STAB2: variants seen among roughly 807,000 people sequenced by gnomAD.
STAB2 encodes the protein stabilin 2.
Under a neutral mutation model 338.1 loss-of-function variants are expected in STAB2, and 288 were observed. The observed-to-expected ratio is 0.85, with a 90% CI of 0.77 to 0.94. The LOEUF (loss-of-function observed/expected upper bound fraction) is 0.94, where lower values mean the gene tolerates loss of function less well. STAB2 is among the 40% of genes least tolerant of loss of function. The probability of loss-of-function intolerance (pLI) is 0.00; values close to 1 mark genes in which losing one functional copy is unlikely to be tolerated. For missense variants in STAB2, 3,141 were observed against 3,210.1 expected (o/e 0.98, Z 0.52); for synonymous variants, 1,202 against 1,193.3 (o/e 1.01, Z -0.15).
chr12:103,624,767 A>G (rs535801512), intron 5 of STAB2, among the ~76,000 whole-genome samples: 14 of 151,952 alleles, frequency 9.2e-5, no homozygotes, highest in Non-Finnish European at 1.3e-4. Flanking sequence ...GTGAAACCCC[A>G]TCTCTACTAA....
At position 103,743,114 on chromosome 12, in the gene STAB2, C is replaced by T. The variant is rs987675920; in HGVS notation, c.6031+560C>T. On this transcript the variant is annotated intron_variant, in intron 56 of 68. Transcript: ENST00000388887. ...CTCAGCTCACTGCAACCTCTGCCTC[C>T]CAGGTTCAAGTGATTCTCCAGCCTC... Among the ~76,000 whole-genome samples, 5 of 150,930 alleles carry T rather than the reference C, an allele frequency of 3.3e-5. No individual in the cohort carries two copies. In the South Asian group the frequency reaches 8.4e-4, roughly 25 times the overall value.
rs894046779 is a variant in STAB2 at position 103,685,942 on chromosome 12, C to G, written c.2997+858C>G. 1.2e-4 allele frequency among the ~76,000 whole-genome samples: 19 copies of G among 152,146 alleles called. 1 individual carries two copies. Among genetic ancestry groups the G allele is most frequent in the Admixed American group, 4.6e-4 (7 of 15,278 alleles). On this transcript the variant is annotated intron_variant, in intron 27 of 68. Coordinates refer to ENST00000388887, the MANE Select transcript of STAB2 (RefSeq NM_017564.10). ...CCCTTCCCTTCCTGGTCTCTGGTAG[C>G]CACGAATCCACTCTCTGTCTTCATG...
intron 34 of STAB2, among the ~76,000 whole-genome samples, chr12:103,701,154 T>C (rs1878835724): frequency 6.6e-6 from 1 of 151,664 alleles, no homozygotes; most frequent in Non-Finnish European, 1.5e-5. Flanking sequence ...ATTTCCAATT[T>C]CATCCATGTC....
At chr12:103,676,780 C>T (rs1312401037) in intron 24 of STAB2, among the ~76,000 whole-genome samples, 1 of 152,186 alleles carries the variant, frequency 6.6e-6, no homozygotes, top group African/African-American at 2.4e-5. Context: ...CTTATCTACC[C>T]ACAGTGCATT....
In STAB2 at chr12:103,699,118, A is replaced by C; in HGVS notation, c.3605A>C (p.His1202Pro). 6.2e-7 allele frequency: 1 copy of C among 1,611,166 alleles called. No homozygotes were observed. Among genetic ancestry groups the C allele is most frequent in the South Asian group, 1.1e-5 (1 of 90,884 alleles). ...LSLEEDVLRY[H>P]VVLEEKLLKN... ...CAGGAGGAGGACGTCCTCCGGTATC[A>C]TGTGGTCCTGGAGGAGAAACTCCTG... The change falls in exon 34 of 69, where the codon CAT becomes CCT. Residue 1202 changes from histidine to proline, a missense_variant. Transcript: ENST00000388887.
chr12:103,638,095 A>C lies in STAB2; in HGVS notation c.789A>C (p.Thr263=). Residue 263 remains threonine, a synonymous_variant, in exon 8 of 69, where the codon ACA becomes ACC. Transcript: ENST00000388887. ...TYLGPNRHSC[T]CQEGYRGDGQ... Reference sequence around the variant, plus strand: ...TGGGACCAAATCGGCACAGTTGTACATGCCAAGAAGGCTACCGTGGGGATG... The same window carrying C: ...TGGGACCAAATCGGCACAGTTGTACCTGCCAAGAAGGCTACCGTGGGGATG... 4 of 1,614,226 alleles carry C rather than the reference A, an allele frequency of 2.5e-6. No homozygotes were observed. The highest frequency in any genetic ancestry group is 2.5e-6 in the Non-Finnish European group (3 of 1,180,042).
At chr12:103,654,805 C>T (rs1874052692) in intron 13 of STAB2, 107 bp downstream of exon 13, 1 of 1,388,690 alleles carries the variant, frequency 7.2e-7, no homozygotes, top group Non-Finnish European at 9.7e-7. Context: ...TTCGTTTGTG[C>T]TAGGATCCCG....
Position 103,712,426 on chromosome 12 carries a change from A to G in STAB2, c.4394A>G (p.Asn1465Ser). The G allele has an allele frequency of 6.2e-7, 1 of 1,613,990 alleles. No homozygotes were observed. Among genetic ancestry groups the G allele is most frequent in the Non-Finnish European group, 8.5e-7 (1 of 1,179,912 alleles). ...AAGTGTGCAGCAGGATTCCAAGGAA[A>G]CGGGACCATCTGCACAGGCAAGCGA... The part of the protein sequence containing the change: ...SCKCAAGFQG[N>S]GTICTAINAC... Residue 1465 changes from asparagine to serine, a missense_variant, in exon 41 of 69, where the codon AAC becomes AGC. Coordinates refer to ENST00000388887, the MANE Select transcript of STAB2 (RefSeq NM_017564.10).
At chr12:103,628,832 A>T (rs186335176) in intron 5 of STAB2, among the ~76,000 whole-genome samples, 1 of 152,336 alleles carries the variant, frequency 6.6e-6, no homozygotes, top group Non-Finnish European at 1.5e-5. Flanking sequence ...GGACTCCACC[A>T]TATTATTTTG....
intron 12 of STAB2, among the ~76,000 whole-genome samples, chr12:103,654,046 A>G (rs868639824): frequency 6.6e-6 from 1 of 152,216 alleles, no homozygotes; most frequent in African/African-American, 2.4e-5. Context: ...GATGAATGAC[A>G]GATAGGAAGA....
At chr12:103,692,400 G>A (rs1878011441) in intron 30 of STAB2, among the ~76,000 whole-genome samples, 1 of 152,010 alleles carries the variant, frequency 6.6e-6, no homozygotes, top group South Asian at 2.1e-4. Context: ...GGGGGCAGGG[G>A]GGGACACAGC....
intron 38 of STAB2, among the ~76,000 whole-genome samples, chr12:103,707,944 C>T (rs781081002): frequency 2.6e-5 from 4 of 152,162 alleles, no homozygotes; most frequent in East Asian, 1.9e-4. Flanking sequence ...TTCAGCAAAC[C>T]GCTAAAGCTG....
intron 63 of STAB2, among the ~76,000 whole-genome samples, chr12:103,756,312 A>G (rs1355867599): frequency 6.6e-6 from 1 of 152,362 alleles, no homozygotes; most frequent in Non-Finnish European, 1.5e-5. Context: ...ACCTAACAGT[A>G]ATAATGACAA....
At chr12:103,732,392 C>T (rs1392470866) in intron 50 of STAB2, among the ~76,000 whole-genome samples, 1 of 152,160 alleles carries the variant, frequency 6.6e-6, no homozygotes, top group Non-Finnish European at 1.5e-5. Flanking sequence ...CAAAAGATTG[C>T]AGAGGAGAAT....
intron 6 of STAB2, among the ~76,000 whole-genome samples, chr12:103,635,556 CCA>C (rs1179417581): frequency 1.3e-5 from 2 of 152,344 alleles, no homozygotes; most frequent in East Asian, 3.9e-4. Context: ...GCCAGGAGCC[CCA>C]GACTGCGCAG....
intron 44 of STAB2, among the ~76,000 whole-genome samples, chr12:103,722,690 A>C (rs962303149): frequency 6.6e-6 from 1 of 152,210 alleles, no homozygotes; most frequent in Non-Finnish European, 1.5e-5. Flanking sequence ...ACTCATGGTC[A>C]GTCTTTGTTC....
chr12:103,704,478 C>G (rs1304037721), intron 35 of STAB2, 80 bp from the exon 36 acceptor site: 2 of 1,428,202 alleles, frequency 1.4e-6, no homozygotes, highest in African/African-American at 2.9e-5. Flanking sequence ...AATTCAAAAA[C>G]CTTCATTTCC....
intron 44 of STAB2, among the ~76,000 whole-genome samples, chr12:103,724,387 C>T (rs1881013203): frequency 6.6e-6 from 1 of 152,022 alleles, no homozygotes; most frequent in African/African-American, 2.4e-5. Context: ...TGAGAAAGCA[C>T]GGGGAAGGGT....
At position 103,652,504 on chromosome 12, in the gene STAB2, C is replaced by A. The variant is rs948643215; in HGVS notation, c.1258-52C>A. The A allele has an allele frequency of 1.0e-5, 15 of 1,498,062 alleles. No individual in the cohort carries two copies. In the South Asian group the frequency reaches 1.2e-4, roughly 12 times the overall value. 92.8% of individuals were successfully genotyped at this position (1,498,062 alleles called of 1,614,324 possible). A position where few individuals can be genotyped will look rare whatever the true frequency, so the allele number is the denominator to read the frequency against. ...AATAAGTAAGGCACAGCATGTGTTA[C>A]AAAACTCATTTTCTTCTTCAAATAA... On this transcript the variant is annotated intron_variant, in intron 11 of 68. Transcript: ENST00000388887.
Sources: allele counts gnomAD v4.1 joint callset (sites outside exome capture counted in the v4.1 genomes callset), GRCh38; gene constraint gnomAD v4.1.1; transcripts MANE v1.5; gene names NCBI Gene and HGNC (gene_info 2026-07-23, HGNC 2026-07-21).